The following TTL variants were observed in gnomAD, a reference collection of about 807,000 sequenced individuals.
The protein encoded by TTL is tubulin tyrosine ligase.
In TTL, 10 loss-of-function variants were observed where a neutral mutation model predicts 41.1. That is an observed-to-expected ratio of 0.24 (90% CI 0.15 to 0.41). TTL has a LOEUF of 0.41. Among genes scored for constraint, TTL ranks in the 10% least tolerant of loss-of-function variants. The pLI is 1.00. For synonymous variants in TTL, 175 were observed against 175.5 expected (o/e 1.00, Z 0.02); for missense variants, 367 against 460.4 (o/e 0.80, Z 1.86).
In TTL at chr2:112,501,270, A is replaced by G. The variant is rs752204601; in HGVS notation, c.534A>G (p.Gln178=). Residue 178 remains glutamine, a synonymous_variant, in exon 4 of 7, where the codon CAA becomes CAG. Transcript: ENST00000233336. ...ELLDFIDNQG[Q]VHVIQKYLEH... is the part of the protein sequence containing the mutation. ...TCGATTTCATAGACAACCAGGGCCA[A>G]GTGCACGTGATCCAGAAATATCTTG... 1 of 1,613,810 alleles carries G rather than the reference A, an allele frequency of 6.2e-7. No individual in the cohort carries two copies. The highest frequency in any genetic ancestry group is 1.1e-5 in the South Asian group (1 of 91,048).
intron 4 of TTL, 103 bp from the exon 5 acceptor site, chr2:112,502,809 C>G: frequency 1.5e-6 from 2 of 1,352,204 alleles, no homozygotes; most frequent in Non-Finnish European, 1.0e-6. Context: ...GCCTCCCACT[C>G]CTTACCTACC....
In TTL at chr2:112,485,897, G is replaced by A; in HGVS notation, c.158-20G>A. 1 of 1,589,202 alleles carries A rather than the reference G, an allele frequency of 6.3e-7. No individual in the cohort carries two copies. The highest frequency in any genetic ancestry group is 1.8e-5 in the African/African-American group (1 of 54,978). On this transcript the variant is annotated intron_variant, in intron 1 of 6. Transcript: ENST00000233336. ...TTGCTGTGTCCTGTGTCCCTTCTGAGCCTCCTCTTTCCTTCCTAGGTCACG... is the reference window on the plus strand; with the variant it reads ...TTGCTGTGTCCTGTGTCCCTTCTGAACCTCCTCTTTCCTTCCTAGGTCACG...
At chr2:112,512,168 T>C (rs1261147395) in intron 5 of TTL, among the ~76,000 whole-genome samples, 1 of 152,060 alleles carries the variant, frequency 6.6e-6, no homozygotes, top group African/African-American at 2.4e-5. Flanking sequence ...CATGGCTGAC[T>C]GCAACCTCTG....
At position 112,539,939 on chromosome 2, in the gene TTL, C is replaced by G. The variant is rs1471205417; in HGVS notation, c.*11144C>G. Reference sequence around the variant, plus strand: ...TATCAACACCAAAAAGAATGAAATACTTAGGAATAAATTTAACAAAAGTTC... The same window carrying G: ...TATCAACACCAAAAAGAATGAAATAGTTAGGAATAAATTTAACAAAAGTTC... On this transcript the variant is annotated 3_prime_UTR_variant, in exon 7 of 7. Coordinates refer to ENST00000233336, the MANE Select transcript of TTL (RefSeq NM_153712.5). 6.6e-6 allele frequency: 1 copy of G among 152,114 alleles called. No homozygotes were observed. The highest frequency in any genetic ancestry group is 1.9e-4 in the East Asian group (1 of 5,200). 9.4% of individuals were successfully genotyped at this position (152,114 alleles called of 1,614,324 possible).
At chr2:112,484,001 C>T (rs537270197) in intron 1 of TTL, 121 of 152,310 alleles carry the variant, frequency 7.9e-4, no homozygotes, top group African/African-American at 2.7e-3. Context: ...CCCTTCCAGA[C>T]TTCCTGACTT....
chr2:112,517,508 C>G (rs894876972), intron 5 of TTL, among the ~76,000 whole-genome samples: 1 of 151,850 alleles, frequency 6.6e-6, no homozygotes, highest in African/African-American at 2.4e-5. Context: ...CTCAGCCTCC[C>G]AAAGTGCTGG....
At chr2:112,511,242 C>T (rs1224307563) in intron 5 of TTL, among the ~76,000 whole-genome samples, 9 of 151,768 alleles carry the variant, frequency 5.9e-5, no homozygotes, top group Non-Finnish European at 1.3e-4. Flanking sequence ...CTCTTGGGCT[C>T]AAGCAATTCT....
In TTL at chr2:112,540,909, A is replaced by G. The variant is rs903749557; in HGVS notation, c.*12114A>G. ...GTAGAAAATATAGGTGAAAATCCCC[A>G]TGATTGAAAAATATCTAGTATTTGA... On this transcript the variant is annotated 3_prime_UTR_variant, in exon 7 of 7. Coordinates refer to ENST00000233336, the MANE Select transcript of TTL (RefSeq NM_153712.5). 20 of 152,260 alleles carry G rather than the reference A, an allele frequency of 1.3e-4. No homozygotes were observed. The highest frequency in any genetic ancestry group is 4.3e-4 in the African/African-American group (18 of 41,476). The allele number at this position is 152,260 out of a possible 1,614,324, so 9.4% of individuals were successfully genotyped here. A position where few individuals can be genotyped will look rare whatever the true frequency, so the allele number is the denominator to read the frequency against.
In TTL at chr2:112,541,195, A is replaced by G. The variant is rs1195829548; in HGVS notation, c.*12400A>G. 6.6e-6 allele frequency: 1 copy of G among 152,180 alleles called. No individual in the cohort carries two copies. Among genetic ancestry groups the G allele is most frequent in the African/African-American group, 2.4e-5 (1 of 41,410 alleles). 9.4% of individuals were successfully genotyped at this position (152,180 alleles called of 1,614,324 possible). A position where few individuals can be genotyped will look rare whatever the true frequency, so the allele number is the denominator to read the frequency against. On this transcript the variant is annotated 3_prime_UTR_variant, in exon 7 of 7. Coordinates refer to ENST00000233336, the MANE Select transcript of TTL (RefSeq NM_153712.5). ...CACAATGATGTCTTAGATATGATAT[A>G]AAAAGACAGGCAACAAAAGAAAAAA... is the stretch of plus-strand genomic sequence containing the variant.
chr2:112,527,062 G>A (rs1408452308), intron 6 of TTL, among the ~76,000 whole-genome samples: 1 of 152,164 alleles, frequency 6.6e-6, no homozygotes, highest in East Asian at 1.9e-4. Context: ...AGTTATTCAG[G>A]AGCAGGTTGT....
At chr2:112,491,174 G>C (rs1190228279) in intron 2 of TTL, among the ~76,000 whole-genome samples, 1 of 151,966 alleles carries the variant, frequency 6.6e-6, no homozygotes, top group Non-Finnish European at 1.5e-5. Flanking sequence ...TGTATTTTTA[G>C]TAGAGATAGG....
chr2:112,511,624 G>A (rs1681921311), intron 5 of TTL, among the ~76,000 whole-genome samples: 1 of 151,588 alleles, frequency 6.6e-6, no homozygotes, highest in Non-Finnish European at 1.5e-5. Context: ...GAGTTCAGGG[G>A]CATGATCTTG....
chr2:112,523,769 AGTT>A (rs1456143352), intron 6 of TTL, among the ~76,000 whole-genome samples: 8 of 144,902 alleles, frequency 5.5e-5, no homozygotes, highest in South Asian at 2.1e-4. Flanking sequence ...AGTGGCAACC[AGTT>A]TTTTTTTTTC....
At chr2:112,499,042 G>A (rs901959638) in intron 3 of TTL, among the ~76,000 whole-genome samples, 1 of 152,080 alleles carries the variant, frequency 6.6e-6, no homozygotes, top group Admixed American at 6.6e-5. Context: ...AGTGGGGCCA[G>A]GCACGGTGGC....
chr2:112,489,426 A>G (rs1681324100), intron 2 of TTL, among the ~76,000 whole-genome samples: 1 of 152,252 alleles, frequency 6.6e-6, no homozygotes, highest in Non-Finnish European at 1.5e-5. Flanking sequence ...TTTCAAAACT[A>G]GTTCATCTTT....
chr2:112,485,257 CT>C (rs1271854334), intron 1 of TTL, among the ~76,000 whole-genome samples: 1 of 152,260 alleles, frequency 6.6e-6, no homozygotes, highest in South Asian at 2.1e-4. Context: ...GCTGAAAACA[CT>C]TTTTATTTTT....
At chr2:112,517,341 G>A (rs929510715) in intron 5 of TTL, among the ~76,000 whole-genome samples, 7 of 151,848 alleles carry the variant, frequency 4.6e-5, no homozygotes, top group Non-Finnish European at 8.8e-5. Flanking sequence ...TCTGCCTCCC[G>A]GGTTTGAGCG....
intron 5 of TTL, among the ~76,000 whole-genome samples, chr2:112,517,762 A>G (rs62157527): frequency 0.41 from 61,058 of 149,992 alleles, 12,647 homozygotes; most frequent in East Asian, 0.58. Context: ...GGGCAACATG[A>G]CAAACCTCTG....
chr2:112,490,692 C>T (rs1331357243), intron 2 of TTL, among the ~76,000 whole-genome samples: 9 of 149,344 alleles, frequency 6.0e-5, no homozygotes, highest in Admixed American at 4.0e-4. Flanking sequence ...CTGCCTCAGC[C>T]TCCCAAGTAG....
Sources: gnomAD v4.1 joint callset for allele counts (sites outside exome capture counted in the v4.1 genomes callset) on GRCh38, gnomAD v4.1.1 for gene constraint, MANE v1.5 for transcripts, NCBI Gene and HGNC (gene_info 2026-07-23, HGNC 2026-07-21) for gene names.